The following ADCY6 variants were observed in gnomAD, a reference collection of about 807,000 sequenced individuals.
ADCY6 encodes the protein adenylate cyclase 6, also known as adenylate cyclase type 6.
ADCY6 carries 59 observed loss-of-function variants against 111.6 expected under a neutral mutation model. That is an observed-to-expected ratio of 0.53 (90% CI 0.43 to 0.66). The LOEUF is 0.66. Ranked by LOEUF, ADCY6 falls within the 30% of genes least tolerant of loss-of-function variation. The pLI, the probability that ADCY6 is intolerant of heterozygous loss-of-function variation, is 0.00. For synonymous variants in ADCY6, 576 were observed against 642.9 expected (o/e 0.90, Z 1.57); for missense variants, 1,242 against 1,595.6 (o/e 0.78, Z 3.78).
At position 48,768,901 on chromosome 12, in the gene ADCY6, C is replaced by T. The variant is rs766760321; in HGVS notation, c.3381+36G>A. Reference sequence around the variant, plus strand: ...GACACCTGTGGAAGCCCTCCGGGCCCATGTTCCTCCCAGCCCCTGCTCATA... The same window carrying T: ...GACACCTGTGGAAGCCCTCCGGGCCTATGTTCCTCCCAGCCCCTGCTCATA... On this transcript the variant is annotated intron_variant, in intron 21 of 21. Transcript: ENST00000357869. 180 of 1,586,014 alleles carry T rather than the reference C, an allele frequency of 1.1e-4. 1 individual carries two copies. The highest frequency in any genetic ancestry group is 8.6e-7 in the Non-Finnish European group (1 of 1,164,996).
chr12:48,778,126 C>G lies in ADCY6; in HGVS notation c.996G>C (p.Gln332His), dbSNP rs759863034. Residue 332 changes from glutamine to histidine, a missense_variant, in exon 3 of 22, where the codon CAG (glutamine) becomes CAC (histidine). This residue lies in a region of ADCY6 where 260 missense variants were observed against 414.6 expected (regional missense o/e 0.63). Transcript: ENST00000357869. Reference protein sequence around the residue: ...RGYIQARLHLQHENRQQERLL... With the variant: ...RGYIQARLHLHHENRQQERLL... ...GCCCCACCTGCTGCCGATTCTCATG[C>G]TGCAGGTGGAGCCGGGCCTGGATGT... is the stretch of plus-strand genomic sequence containing the variant. The G allele has an allele frequency of 1.2e-6, 2 of 1,611,934 alleles. No homozygotes were observed. The highest frequency in any genetic ancestry group is 1.7e-6 in the Non-Finnish European group (2 of 1,179,162).
At chr12:48,769,358 G>A (rs1229997528) in intron 20 of ADCY6, among the ~76,000 whole-genome samples, 1 of 146,922 alleles carries the variant, frequency 6.8e-6, no homozygotes, top group African/African-American at 2.5e-5. Context: ...TGAGGCTACA[G>A]TGAGCTGTGA....
intron 21 of ADCY6, 41 bp downstream of exon 21, chr12:48,768,896 G>A (rs369004031): frequency 1.7e-5 from 27 of 1,581,988 alleles, no homozygotes; most frequent in South Asian, 1.2e-4. Flanking sequence ...GAAGCCCTCC[G>A]GGCCCATGTT....
Position 48,776,470 on chromosome 12 carries a change from T to A in ADCY6, c.1493A>T (p.Asp498Val). The part of the protein sequence containing the change: ...RKWQFDVWSN[D>V]VTLANHMEAG... ...CTCCATGTGGTTGGCCAGGGTCACA[T>A]CATTGGACCACACATCGAACTGCCA... Residue 498 changes from aspartate (D) to valine (V), a missense_variant, in exon 7 of 22, where the codon GAT becomes GTT. Around this residue, in one of 4 missense-constraint regions of ADCY6, gnomAD observed 260 missense variants for 414.6 expected, o/e 0.63. Coordinates refer to ENST00000357869, the MANE Select transcript of ADCY6 (RefSeq NM_015270.5). This position sits in a 1 kb window ranked among gnomAD's most constrained non-coding sequence, Gnocchi z 6.1. 6.2e-7 allele frequency: 1 copy of A among 1,600,794 alleles called. No individual in the cohort carries two copies. The highest frequency in any genetic ancestry group is 8.5e-7 in the Non-Finnish European group (1 of 1,175,008).
chr12:48,786,673 CTT>C (rs1185549985), intron 1 of ADCY6, among the ~76,000 whole-genome samples: 1 of 152,178 alleles, frequency 6.6e-6, no homozygotes, highest in Non-Finnish European at 1.5e-5. Context: ...CCTTCAACCT[CTT>C]AACATCACCA....
In ADCY6 at chr12:48,770,825, A is replaced by G; in HGVS notation, c.3197T>C (p.Leu1066Pro). 3.1e-6 allele frequency: 5 copies of G among 1,614,220 alleles called. No homozygotes were observed. Among genetic ancestry groups the G allele is most frequent in the Non-Finnish European group, 3.4e-6 (4 of 1,180,044 alleles). ...ITALADYAMR[L>P]MEQMKHINEH... is the part of the protein sequence containing the mutation. Reference sequence around the variant, plus strand: ...ATTGATGTGCTTCATCTGCTCCATGAGCCGCATGGCGTAGTCAGCCAGGGC... The same window carrying G: ...ATTGATGTGCTTCATCTGCTCCATGGGCCGCATGGCGTAGTCAGCCAGGGC... The change falls in exon 20 of 22, where the codon CTC becomes CCC. Residue 1066 changes from leucine to proline, a missense_variant. Transcript: ENST00000357869.
chr12:48,778,396 C>T (rs1941762822), intron 2 of ADCY6, 139 bp from the exon 3 acceptor site: 3 of 991,826 alleles, frequency 3.0e-6, no homozygotes, highest in East Asian at 5.1e-5. Flanking sequence ...CAAGCCACTG[C>T]CACCCCTGCA....
Position 48,773,926 on chromosome 12 carries a change from C to T in ADCY6, c.2442+14G>A. ...CAGGACAGCCCCCCCACCGCCTGAG[C>T]ACTGCTCGAACACCTCAGGAAAGCT... is the stretch of plus-strand genomic sequence containing the variant. On this transcript the variant is annotated intron_variant, in intron 15 of 21. Transcript: ENST00000357869. 1.9e-6 allele frequency: 3 copies of T among 1,612,964 alleles called. No homozygotes were observed. The highest frequency in any genetic ancestry group is 1.7e-5 in the Admixed American group (1 of 59,876).
At chr12:48,784,126 C>A in intron 1 of ADCY6, 1 of 150,574 alleles carries the variant, frequency 6.6e-6, no homozygotes, top group Non-Finnish European at 1.5e-5. Context: ...CACCTATAGA[C>A]CGGGCCATTC....
chr12:48,782,920 G>A lies in ADCY6; in HGVS notation c.515C>T (p.Ala172Val). Reference protein sequence around the residue: ...LTAVLLAFHAAPARPQPAYVA... With the variant: ...LTAVLLAFHAVPARPQPAYVA... ...ATAGGCAGGCTGAGGGCGGGCGGGT[G>A]CGGCGTGGAAAGCCAGCAGCACCGC... Residue 172 changes from alanine to valine, a missense_variant, in exon 2 of 22, where the codon GCA becomes GTA. Ala to Val is a moderately conservative substitution (Grantham distance 64). This residue lies in a region of ADCY6 where 362 missense variants were observed against 377.2 expected (regional missense o/e 0.96). Coordinates refer to ENST00000357869, the MANE Select transcript of ADCY6 (RefSeq NM_015270.5). The surrounding 1 kb of genome is among the most constrained non-coding windows in gnomAD (Gnocchi z 4.3). 2 of 1,613,502 alleles carry A rather than the reference G, an allele frequency of 1.2e-6. No individual in the cohort carries two copies. The highest frequency in any genetic ancestry group is 1.7e-6 in the Non-Finnish European group (2 of 1,179,922).
Position 48,771,629 on chromosome 12 carries a change from C to G in ADCY6, c.3051+81G>C, listed in dbSNP as rs942447979. 22 of 1,592,068 alleles carry G rather than the reference C, an allele frequency of 1.4e-5. No individual in the cohort carries two copies. Among genetic ancestry groups the G allele is most frequent in the Non-Finnish European group, 1.7e-5 (20 of 1,168,404 alleles). On this transcript the variant is annotated intron_variant, in intron 19 of 21. Coordinates refer to ENST00000357869, the MANE Select transcript of ADCY6 (RefSeq NM_015270.5). This position sits in a 1 kb window ranked among gnomAD's most constrained non-coding sequence, Gnocchi z 4.3. ...GTCCCATCAAATCTCTCTCTCTCTT[C>G]CCAGTTCCACTCACCCATTCCAATC...
rs971850482 is a variant in ADCY6, at chr12:48,768,456, C to T, written c.*135G>A. 15 of 1,289,034 alleles carry T rather than the reference C, an allele frequency of 1.2e-5. No homozygotes were observed. In the African/African-American group the frequency reaches 2.2e-4, roughly 19 times the overall value. 79.8% of individuals were successfully genotyped at this position (1,289,034 alleles called of 1,614,324 possible). On this transcript the variant is annotated 3_prime_UTR_variant, in exon 22 of 22. Transcript: ENST00000357869. ...GCAGACGAGCATGATCCAAGCACAG[C>T]CTGCTGGGATGTTCCCTTTTGTGGT...
chr12:48,779,465 C>T (rs758105026), intron 2 of ADCY6, among the ~76,000 whole-genome samples: 2 of 152,192 alleles, frequency 1.3e-5, no homozygotes, highest in Non-Finnish European at 2.9e-5. Flanking sequence ...AGAGCCCTGG[C>T]TTGAGAGTCA....
intron 14 of ADCY6, 24 bp downstream of exon 14, chr12:48,774,378 G>T (rs774839291): frequency 6.3e-7 from 1 of 1,583,814 alleles, no homozygotes; most frequent in South Asian, 1.1e-5. Flanking sequence ...AGCAGAGGTG[G>T]GAGAATTCCC....
Position 48,782,873 on chromosome 12 carries a change from C to A in ADCY6, c.562G>T (p.Ala188Ser), listed in dbSNP as rs761126585. 1.2e-6 allele frequency: 2 copies of A among 1,613,978 alleles called. No homozygotes were observed. The highest frequency in any genetic ancestry group is 8.5e-7 in the Non-Finnish European group (1 of 1,179,954). ...PAYVALLACA[A>S]ALFVGLMVVC... ...ACCATGAGCCCCACGAACAGGGCGG[C>A]GGCACAGGCCAACAGTGCCACATAG... The change falls in exon 2 of 22, where the codon GCC becomes TCC. Residue 188 changes from alanine (A) to serine (S), a missense_variant. By Grantham distance (99) the Ala-to-Ser change is moderately conservative (BLOSUM62 1). This residue lies in a region of ADCY6 where 362 missense variants were observed against 377.2 expected (regional missense o/e 0.96). Coordinates refer to ENST00000357869, the MANE Select transcript of ADCY6 (RefSeq NM_015270.5). This position sits in a 1 kb window ranked among gnomAD's most constrained non-coding sequence, Gnocchi z 4.3.
At chr12:48,770,444 A>C (rs1445855594) in intron 20 of ADCY6, among the ~76,000 whole-genome samples, 3 of 152,190 alleles carry the variant, frequency 2.0e-5, no homozygotes, top group Non-Finnish European at 4.4e-5. Flanking sequence ...GAAGTATTCA[A>C]GTTTATATAA....
Position 48,777,844 on chromosome 12 carries a change from G to T in ADCY6, c.1015-108C>A. 6.6e-7 allele frequency: 1 copy of T among 1,513,032 alleles called. No homozygotes were observed. The highest frequency in any genetic ancestry group is 1.3e-5 in the South Asian group (1 of 79,218). The allele number at this position is 1,513,032 out of a possible 1,614,324, so 93.7% of individuals were successfully genotyped here. The stretch of plus-strand genomic sequence containing the variant: ...CCCTCCTAGACTTCTCTGAAGACCT[G>T]ACCTTCCCTTCTGGACTGTGGCCTG... On this transcript the variant is annotated intron_variant, in intron 3 of 21. Transcript: ENST00000357869. The surrounding 1 kb of genome is among the most constrained non-coding windows in gnomAD (Gnocchi z 4.9).
In ADCY6 at chr12:48,775,004, CAG is replaced by C; in HGVS notation, c.2029_2030del (p.Leu677ValfsTer49). ...PRFGAYVACA[L>X]LVFCFICFIQ... ...TGAAGCAGATGAAGCAGAAGACCAA[CAG>C]GGCACAGGCAACGTAGGCTCCGAAG... On this transcript the variant is annotated frameshift_variant, in exon 12 of 22. Transcript: ENST00000357869. LOFTEE classifies it high-confidence loss of function. The C allele has an allele frequency of 6.4e-7, 1 of 1,558,662 alleles. No homozygotes were observed. Among genetic ancestry groups the C allele is most frequent in the South Asian group, 1.2e-5 (1 of 84,436 alleles).
Position 48,776,537 on chromosome 12 carries a change from G to T in ADCY6, c.1426C>A (p.His476Asn). 6.2e-7 allele frequency: 1 copy of T among 1,613,652 alleles called. No homozygotes were observed. Among genetic ancestry groups the T allele is most frequent in the Non-Finnish European group, 8.5e-7 (1 of 1,180,020 alleles). Residue 476 changes from histidine to asparagine, a missense_variant, in exon 7 of 22, where the codon CAC becomes AAC. Physicochemically the swap from His to Asn is moderately conservative, Grantham distance 68. Around this residue, in one of 4 missense-constraint regions of ADCY6, gnomAD observed 260 missense variants for 414.6 expected, o/e 0.63. Transcript: ENST00000357869. This position sits in a 1 kb window ranked among gnomAD's most constrained non-coding sequence, Gnocchi z 6.1. ...GVNVNMRVGI[H>N]SGRVHCGVLG... Reference sequence around the variant, plus strand: ...ACGCCGCAGTGCACGCGCCCGCTGTGGATGCCCACGCGCATGTTCACATTC... The same window carrying T: ...ACGCCGCAGTGCACGCGCCCGCTGTTGATGCCCACGCGCATGTTCACATTC...
Sources: gnomAD v4.1 joint callset for allele counts (sites outside exome capture counted in the v4.1 genomes callset) on GRCh38, gnomAD v4.1.1 for gene constraint, gnomAD v4.1.1 regional missense constraint, Gnocchi (gnomAD v3.1) non-coding constraint, MANE v1.5 for transcripts, NCBI Gene and HGNC (gene_info 2026-07-23, HGNC 2026-07-21) for gene names.